TMEM150C: variants seen among roughly 807,000 people sequenced by gnomAD.
TMEM150C encodes transmembrane protein 150C, also known as tentonin 3.
A neutral mutation model predicts 29.9 loss-of-function variants in TMEM150C; 10 were observed. That is an observed-to-expected ratio of 0.33 (90% CI 0.21 to 0.57). TMEM150C has a LOEUF of 0.57. TMEM150C is among the 20% of genes least tolerant of loss of function. TMEM150C has a pLI of 0.88. For missense variants in TMEM150C, 251 were observed against 303.6 expected, an observed-to-expected ratio of 0.83 and a Z score of 1.29; for synonymous variants, 101 against 112.5, an observed-to-expected ratio of 0.90 and a Z score of 0.64.
Position 82,490,174 on chromosome 4 carries a change from G to C in TMEM150C, c.428C>G (p.Thr143Ser). 1 of 1,613,976 alleles carries C rather than the reference G, an allele frequency of 6.2e-7. No homozygotes were observed. The highest frequency in any genetic ancestry group is 8.5e-7 in the Non-Finnish European group (1 of 1,179,876). The change falls in exon 7 of 8, where the codon ACC becomes AGC. Residue 143 changes from threonine to serine, a missense_variant. Coordinates refer to ENST00000449862, the MANE Select transcript of TMEM150C (RefSeq NM_001080506.3). ...TSLTFGFGTL[T>S]CWIQAALTLK... ...TGTCAGCGCAGCCTGGATCCAGCAG[G>C]TCAATGTGCCAAATCCAAAGGTCAA...
rs903629689 is a variant in TMEM150C at position 82,561,815 on chromosome 4, C to G, written c.-11+91G>C. ...GCCGCGCTGCAGCCCCCGCCGTCCC[C>G]GGTCTCCGCCTGCGGGCTGCGCACG... On this transcript the variant is annotated intron_variant, in intron 1 of 7. Coordinates refer to ENST00000449862, the MANE Select transcript of TMEM150C (RefSeq NM_001080506.3). 615 of 908,554 alleles carry G rather than the reference C, an allele frequency of 6.8e-4. 1 individual carries two copies. The highest frequency in any genetic ancestry group is 7.2e-4 in the Non-Finnish European group (550 of 761,748). The allele number at this position is 908,554 out of a possible 1,614,324, so 56.3% of individuals were successfully genotyped here.
At chr4:82,495,604 C>A in intron 6 of TMEM150C, 1 of 350,438 alleles carries the variant, frequency 2.9e-6, no homozygotes, top group South Asian at 2.6e-5. Context: ...CTAATTTTCT[C>A]TTTCTTTCTC....
intron 1 of TMEM150C, among the ~76,000 whole-genome samples, chr4:82,536,960 T>C (rs1470718661): frequency 6.6e-6 from 1 of 152,124 alleles, no homozygotes; most frequent in African/African-American, 2.4e-5. Context: ...TGCACAAAAA[T>C]TTTGTTCAAC....
intron 1 of TMEM150C, among the ~76,000 whole-genome samples, chr4:82,511,381 TAG>T (rs1255863499): frequency 1.3e-5 from 2 of 151,938 alleles, no homozygotes; most frequent in Non-Finnish European, 2.9e-5. Context: ...ATTCAACTGA[TAG>T]ATGACTATAG....
intron 1 of TMEM150C, among the ~76,000 whole-genome samples, chr4:82,523,824 C>A (rs1724566407): frequency 6.6e-6 from 1 of 151,752 alleles, no homozygotes; most frequent in South Asian, 2.1e-4. Context: ...ATTATAGGCG[C>A]CTGCCGCCAC....
chr4:82,525,669 C>T (rs987281012), intron 1 of TMEM150C, among the ~76,000 whole-genome samples: 14 of 152,164 alleles, frequency 9.2e-5, no homozygotes, highest in Admixed American at 3.9e-4. Context: ...ATGACACCCA[C>T]GGCTGTGGAT....
intron 6 of TMEM150C, chr4:82,490,948 A>G: frequency 2.8e-6 from 2 of 726,770 alleles, no homozygotes. Flanking sequence ...CTGTTTTTGT[A>G]ATTGGTCCTG....
Position 82,485,662 on chromosome 4 carries a change from A to G in TMEM150C, c.599T>C (p.Leu200Pro). The change falls in exon 8 of 8, where the codon CTG becomes CCG. Residue 200 changes from leucine (L) to proline (P), a missense_variant. Physicochemically the swap from Leu to Pro is moderately conservative, Grantham distance 98. Transcript: ENST00000449862. ...HMYAARVQWGLVMCFLSYFGT... is the reference protein window; with the variant it reads ...HMYAARVQWGPVMCFLSYFGT... ...AAAATAAGACAGGAAGCACATGACC[A>G]GGCCCCACTGGACCCTGGCTGCATA... 6.2e-7 allele frequency: 1 copy of G among 1,609,926 alleles called. No homozygotes were observed. Among genetic ancestry groups the G allele is most frequent in the Non-Finnish European group, 8.5e-7 (1 of 1,178,180 alleles).
chr4:82,559,715 A>T (rs2110096785), intron 1 of TMEM150C, among the ~76,000 whole-genome samples: 1 of 152,292 alleles, frequency 6.6e-6, no homozygotes, highest in South Asian at 2.1e-4. Flanking sequence ...GAACCTAATC[A>T]CACCGTAGTG....
rs1345632871 is a variant in TMEM150C at position 82,485,666 on chromosome 4, C to T, written c.595G>A (p.Gly199Ser). 3.1e-6 allele frequency: 5 copies of T among 1,609,578 alleles called. No individual in the cohort carries two copies. In the African/African-American group the frequency reaches 6.7e-5, roughly 22 times the overall value. Residue 199 changes from glycine (G) to serine (S), a missense_variant, in exon 8 of 8, where the codon GGC becomes AGC. Transcript: ENST00000449862. ...TAAGACAGGAAGCACATGACCAGGC[C>T]CCACTGGACCCTGGCTGCATACATG... is the stretch of plus-strand genomic sequence containing the variant. ...IHMYAARVQW[G>S]LVMCFLSYFG...
intron 5 of TMEM150C, among the ~76,000 whole-genome samples, chr4:82,501,296 G>T (rs998547260): frequency 6.6e-6 from 1 of 152,132 alleles, no homozygotes; most frequent in Non-Finnish European, 1.5e-5. Context: ...GCCCACAGGT[G>T]CACCAGATAC....
intron 1 of TMEM150C, among the ~76,000 whole-genome samples, chr4:82,559,240 T>C (rs1361247945): frequency 2.0e-5 from 3 of 152,142 alleles, no homozygotes; most frequent in Admixed American, 6.5e-5. Context: ...GTGGACTCTC[T>C]TCACACGGAC....
chr4:82,538,150 C>G (rs956790671), intron 1 of TMEM150C, among the ~76,000 whole-genome samples: 1 of 152,162 alleles, frequency 6.6e-6, no homozygotes, highest in Non-Finnish European at 1.5e-5. Flanking sequence ...CCTCTGCTTC[C>G]AGATTCAAGC....
At chr4:82,529,102 G>A (rs1239818563) in intron 1 of TMEM150C, among the ~76,000 whole-genome samples, 6 of 152,088 alleles carry the variant, frequency 3.9e-5, no homozygotes, top group Non-Finnish European at 7.4e-5. Context: ...GAAGGCAGGG[G>A]AGGAGAGCAC....
intron 1 of TMEM150C, among the ~76,000 whole-genome samples, chr4:82,523,872 G>C (rs530624998): frequency 1.3e-5 from 2 of 151,524 alleles, no homozygotes; most frequent in Non-Finnish European, 1.5e-5. Context: ...GAGATGGGGG[G>C]GGTTTCACCA....
chr4:82,497,232 A>G (rs1723586041), intron 5 of TMEM150C, among the ~76,000 whole-genome samples: 1 of 152,178 alleles, frequency 6.6e-6, no homozygotes, highest in South Asian at 2.1e-4. Flanking sequence ...AAATGATGAA[A>G]AATCACTTTC....
chr4:82,561,922 G>A lies in TMEM150C; in HGVS notation c.-27C>T, dbSNP rs976354895. On this transcript the variant is annotated 5_prime_UTR_variant, in exon 1 of 8. Coordinates refer to ENST00000449862, the MANE Select transcript of TMEM150C (RefSeq NM_001080506.3). ...CGCGCCTACCTGCTCTGGTGCGGCG[G>A]GGCCGCTGTCGCCTCGAGGGGCTGT... 4 of 1,033,818 alleles carry A rather than the reference G, an allele frequency of 3.9e-6. No homozygotes were observed. The highest frequency in any genetic ancestry group is 3.5e-5 in the African/African-American group (2 of 57,334). The allele number at this position is 1,033,818 out of a possible 1,614,324, so 64.0% of individuals were successfully genotyped here.
chr4:82,509,765 A>G (rs1724058336), intron 1 of TMEM150C: 1 of 152,138 alleles, frequency 6.6e-6, no homozygotes, highest in African/African-American at 2.4e-5. Context: ...ACTTCACTCC[A>G]GCCTGGGTGA....
At chr4:82,498,513 A>G (rs573800465) in intron 5 of TMEM150C, among the ~76,000 whole-genome samples, 2 of 152,052 alleles carry the variant, frequency 1.3e-5, no homozygotes, top group East Asian at 3.9e-4. Flanking sequence ...GATGGTCTCT[A>G]TCTACTGACC....
Sources: allele counts gnomAD v4.1 joint callset (sites outside exome capture counted in the v4.1 genomes callset), GRCh38; gene constraint gnomAD v4.1.1; transcripts MANE v1.5; gene names NCBI Gene and HGNC (gene_info 2026-07-23, HGNC 2026-07-21).